Variants in C7orf78 observed in about 807,000 individuals in gnomAD.
C7orf78 encodes the protein putative uncharacterized protein C7orf78.
At chr7:12,488,343 A>C in the C7orf78 span, among the ~76,000 whole-genome samples, 46 of 152,206 alleles carry the variant, frequency 3.0e-4, 1 homozygote, top group African/African-American at 1.1e-3. Flanking sequence ...GCTCTTCATT[A>C]AAACTCTGCT....
the C7orf78 span, chr7:12,483,849 G>T: frequency 1.4e-5 from 2 of 146,026 alleles, no homozygotes; most frequent in Non-Finnish European, 3.0e-5. Flanking sequence ...CTGCACTCTA[G>T]CCTGGGCAAT....
chr7:12,541,442 T>C, the C7orf78 span: 1 of 152,094 alleles, frequency 6.6e-6, no homozygotes, highest in Non-Finnish European at 1.5e-5. Flanking sequence ...TATTTTTACT[T>C]TAAAAAATAG....
chr7:12,509,004 A>G, the C7orf78 span, among the ~76,000 whole-genome samples: 1 of 152,242 alleles, frequency 6.6e-6, no homozygotes, highest in Non-Finnish European at 1.5e-5. Flanking sequence ...TAATAGAAAT[A>G]AAGTGCACAG....
the C7orf78 span, among the ~76,000 whole-genome samples, chr7:12,511,830 C>G: frequency 6.6e-6 from 1 of 151,504 alleles, no homozygotes; most frequent in South Asian, 2.1e-4. Flanking sequence ...CAGCTCACTG[C>G]AAGCTCTGCT....
At chr7:12,496,692 T>A in the C7orf78 span, 1 of 152,234 alleles carries the variant, frequency 6.6e-6, no homozygotes, top group East Asian at 1.9e-4. Flanking sequence ...TCTGGAGTCA[T>A]AATCTATTTT....
the C7orf78 span, among the ~76,000 whole-genome samples, chr7:12,540,506 T>C: frequency 6.6e-6 from 1 of 152,312 alleles, no homozygotes; most frequent in East Asian, 1.9e-4. Flanking sequence ...GGTATTATAA[T>C]TATTATTATT....
At chr7:12,515,591 CGAA>C in the C7orf78 span, among the ~76,000 whole-genome samples, 922 of 152,150 alleles carry the variant, frequency 6.1e-3, 8 homozygotes, top group African/African-American at 0.021. Context: ...TGGAGGGTTT[CGAA>C]GAAGGCAGGA....
the C7orf78 span, among the ~76,000 whole-genome samples, chr7:12,500,147 AC>A: frequency 1.4e-5 from 2 of 145,908 alleles, no homozygotes; most frequent in Non-Finnish European, 3.0e-5. Flanking sequence ...CAAAATTGAC[AC>A]CCTAACATCA....
chr7:12,534,278 G>C, the C7orf78 span, among the ~76,000 whole-genome samples: 3 of 152,194 alleles, frequency 2.0e-5, no homozygotes, highest in Non-Finnish European at 4.4e-5. Context: ...CGTAATTTAA[G>C]ATTATGTTCA....
chr7:12,532,693 G>A, the C7orf78 span, among the ~76,000 whole-genome samples: 2 of 152,142 alleles, frequency 1.3e-5, no homozygotes, highest in South Asian at 2.1e-4. Flanking sequence ...ACGACACTTA[G>A]TACTTGCTAT....
At chr7:12,505,285 G>T in the C7orf78 span, among the ~76,000 whole-genome samples, 3 of 152,032 alleles carry the variant, frequency 2.0e-5, no homozygotes, top group Non-Finnish European at 4.4e-5. Flanking sequence ...GGTAGAAAAT[G>T]GTTGAATAAC....
the C7orf78 span, among the ~76,000 whole-genome samples, chr7:12,529,558 T>C: frequency 6.6e-6 from 1 of 152,350 alleles, no homozygotes; most frequent in South Asian, 2.1e-4. Context: ...TGAGAACATG[T>C]GGCCCAAGGT....
chr7:12,529,849 T>A, the C7orf78 span, among the ~76,000 whole-genome samples: 1 of 152,348 alleles, frequency 6.6e-6, no homozygotes, highest in East Asian at 1.9e-4. Flanking sequence ...GAGGTACTGC[T>A]CCTCGCGAAG....
the C7orf78 span, among the ~76,000 whole-genome samples, chr7:12,500,716 C>T: frequency 3.7e-4 from 57 of 152,020 alleles, no homozygotes; most frequent in African/African-American, 1.3e-3. Context: ...GGGAATCCTC[C>T]CCAACTCATT....
At chr7:12,488,654 G>A in the C7orf78 span, among the ~76,000 whole-genome samples, 1 of 151,672 alleles carries the variant, frequency 6.6e-6, no homozygotes, top group African/African-American at 2.4e-5. Flanking sequence ...AGGCAGAGTG[G>A]TTTGAAACAG....
At chr7:12,532,557 A>AG in the C7orf78 span, among the ~76,000 whole-genome samples, 424 of 151,700 alleles carry the variant, frequency 2.8e-3, 4 homozygotes, top group African/African-American at 9.8e-3. Flanking sequence ...TCAAAAAAAA[A>AG]AAAAAGAAAA....
chr7:12,517,066 T>G, the C7orf78 span, among the ~76,000 whole-genome samples: 2 of 152,142 alleles, frequency 1.3e-5, no homozygotes, highest in South Asian at 4.2e-4. Flanking sequence ...TGGAATGACA[T>G]AGTTTAACTG....
chr7:12,507,043 G>T, the C7orf78 span: 1 of 413,360 alleles, frequency 2.4e-6, no homozygotes, highest in Admixed American at 2.7e-5. Context: ...GTGTCACCCT[G>T]TAATCCCAGC....
At chr7:12,528,143 T>A in the C7orf78 span, among the ~76,000 whole-genome samples, 368 of 127,592 alleles carry the variant, frequency 2.9e-3, no homozygotes, top group Middle Eastern at 9.3e-3. Flanking sequence ...GTATATGCTA[T>A]GTGTCACTCA....
Sources: allele counts gnomAD v4.1 joint callset (sites outside exome capture counted in the v4.1 genomes callset), GRCh38; gene constraint gnomAD v4.1.1; transcripts MANE v1.5; gene names NCBI Gene and HGNC (gene_info 2026-07-23, HGNC 2026-07-21).